RB1: variants seen among roughly 807,000 people sequenced by gnomAD.
RB1 encodes retinoblastoma-associated protein.
In RB1, 18 loss-of-function variants were observed where a neutral mutation model predicts 135.4. The observed-to-expected ratio is 0.13, with a 90% CI of 0.09 to 0.20. The LOEUF (loss-of-function observed/expected upper bound fraction) is 0.20. Among genes scored for constraint, RB1 ranks in the 10% least tolerant of loss-of-function variants. The pLI is 1.00. For missense variants in RB1, 868 were observed against 1,110.0 expected (o/e 0.78, Z 3.10); for synonymous variants, 365 against 373.2 (o/e 0.98, Z 0.25).
At chr13:48,401,739 A>G (rs1948693694) in intron 17 of RB1, among the ~76,000 whole-genome samples, 1 of 152,208 alleles carries the variant, frequency 6.6e-6, no homozygotes, top group South Asian at 2.1e-4. Flanking sequence ...TTAGAACATG[A>G]TAAGGAAACG....
intron 2 of RB1, among the ~76,000 whole-genome samples, chr13:48,332,511 C>T (rs1952346677): frequency 6.6e-6 from 1 of 152,172 alleles, no homozygotes; most frequent in African/African-American, 2.4e-5. Context: ...GTTGAGGCTG[C>T]AGTGAGCTAT....
At chr13:48,456,634 C>T (rs531093294) in intron 19 of RB1, among the ~76,000 whole-genome samples, 4 of 152,324 alleles carry the variant, frequency 2.6e-5, no homozygotes, top group South Asian at 2.1e-4. Context: ...AGGCTGCACT[C>T]GGCTCACACT....
chr13:48,334,744 TA>T (rs2138073186), intron 2 of RB1, among the ~76,000 whole-genome samples: 1 of 152,310 alleles, frequency 6.6e-6, no homozygotes, highest in Non-Finnish European at 1.5e-5. Context: ...CTTTTATAAG[TA>T]AGTGCATTGT....
rs549309704 is a variant in RB1, at chr13:48,347,731, A to G, written c.501-94A>G. 78 of 843,982 alleles carry G rather than the reference A, an allele frequency of 9.2e-5. No individual in the cohort carries two copies. The South Asian group carries it at 1.2e-3, about 13-fold the overall frequency. The allele number at this position is 843,982 out of a possible 1,614,324, so 52.3% of individuals were successfully genotyped here. On this transcript the variant is annotated intron_variant, in intron 4 of 26. Transcript: ENST00000267163. ...TATATTTTTTGTTTTTAAAATATAT[A>G]CTTCTTAAAAGAAGATAAATAAAGC...
At chr13:48,381,648 T>A (rs1228271566) in intron 17 of RB1, among the ~76,000 whole-genome samples, 2 of 152,230 alleles carry the variant, frequency 1.3e-5, no homozygotes, top group Non-Finnish European at 2.9e-5. Context: ...TACAGCACAG[T>A]GATTTATTTA....
intron 17 of RB1, among the ~76,000 whole-genome samples, chr13:48,431,581 T>C (rs1007157471): frequency 6.6e-6 from 1 of 152,212 alleles, no homozygotes; most frequent in African/African-American, 2.4e-5. Flanking sequence ...ATTGGTTTTC[T>C]AGTGTGCTTG....
chr13:48,318,666 G>T, intron 2 of RB1: 1 of 611,136 alleles, frequency 1.6e-6, no homozygotes, highest in South Asian at 1.7e-5. Context: ...CGTTTTCTTG[G>T]GCGTGGACGG....
intron 2 of RB1, among the ~76,000 whole-genome samples, chr13:48,330,074 A>C (rs933287445): frequency 1.3e-5 from 2 of 152,084 alleles, no homozygotes; most frequent in Non-Finnish European, 2.9e-5. Context: ...GTTCCTGAAC[A>C]ACCAATAGTC....
At chr13:48,350,372 T>C (rs1169605171) in intron 6 of RB1, among the ~76,000 whole-genome samples, 1 of 152,088 alleles carries the variant, frequency 6.6e-6, no homozygotes, top group African/African-American at 2.4e-5. Flanking sequence ...AACAAGGTAT[T>C]TTGGAAACTG....
rs188520545 is a variant in RB1 at position 48,398,926 on chromosome 13, G to A, written c.1695+17483G>A. ...AGGGAAAAGTAACATTTGTTGACTA[G>A]CTCCTTTGTGCAGTGCACTGTGACT... is the stretch of plus-strand genomic sequence containing the variant. On this transcript the variant is annotated intron_variant, in intron 17 of 26. Transcript: ENST00000267163. Among the ~76,000 whole-genome samples the A allele has an allele frequency of 5.3e-4, 80 of 152,206 alleles. 1 individual carries two copies. Among genetic ancestry groups the A allele is most frequent in the Admixed American group, 2.4e-3 (37 of 15,284 alleles).
intron 24 of RB1, among the ~76,000 whole-genome samples, chr13:48,476,173 A>G (rs1238537354): frequency 6.6e-6 from 1 of 152,214 alleles, no homozygotes; most frequent in African/African-American, 2.4e-5. Flanking sequence ...TGTTGAATCT[A>G]TCCGTCAAAT....
intron 17 of RB1, among the ~76,000 whole-genome samples, chr13:48,390,993 A>G (rs1207043680): frequency 6.6e-6 from 1 of 152,020 alleles, no homozygotes; most frequent in Non-Finnish European, 1.5e-5. Context: ...TAAATTCTCC[A>G]TCTTATTATT....
intron 2 of RB1, among the ~76,000 whole-genome samples, chr13:48,332,217 G>T (rs1045642105): frequency 1.3e-5 from 2 of 152,230 alleles, no homozygotes; most frequent in African/African-American, 4.8e-5. Flanking sequence ...GTTAGCAGGG[G>T]TGGGGAGCCT....
chr13:48,348,591 T>C (rs1487754698), intron 5 of RB1, among the ~76,000 whole-genome samples: 11 of 151,706 alleles, frequency 7.3e-5, no homozygotes, highest in Admixed American at 5.3e-4. Flanking sequence ...TAACATACTA[T>C]GTTTTTTATA....
Position 48,419,909 on chromosome 13 carries a change from C to A in RB1, c.1696-33084C>A, listed in dbSNP as rs7982457. On this transcript the variant is annotated intron_variant, in intron 17 of 26. Coordinates refer to ENST00000267163, the MANE Select transcript of RB1 (RefSeq NM_000321.3). Reference sequence around the variant, plus strand: ...AGGCAGTAATTAATAGCGTACCAACCAAAAAAATCCCAGGAGCAGATGGAT... The same window carrying A: ...AGGCAGTAATTAATAGCGTACCAACAAAAAAAATCCCAGGAGCAGATGGAT... 6.3e-3 allele frequency among the ~76,000 whole-genome samples: 959 copies of A among 152,088 alleles called. 12 individuals are homozygous for A. Among genetic ancestry groups the A allele is most frequent in the African/African-American group, 0.022 (912 of 41,476 alleles).
At chr13:48,370,979 AT>A (rs1205269016) in intron 11 of RB1, among the ~76,000 whole-genome samples, 1 of 152,222 alleles carries the variant, frequency 6.6e-6, no homozygotes, top group Non-Finnish European at 1.5e-5. Flanking sequence ...TACGAGTTGT[AT>A]GTCAGGATAT....
intron 6 of RB1, among the ~76,000 whole-genome samples, chr13:48,351,980 T>G (rs1952552931): frequency 6.6e-6 from 1 of 151,870 alleles, no homozygotes; most frequent in Admixed American, 6.6e-5. Context: ...GGCCTGGCCA[T>G]CTTCAATCCA....
chr13:48,307,231 A>G (rs906541415), intron 1 of RB1, 49 bp from the exon 2 acceptor site: 2 of 1,508,322 alleles, frequency 1.3e-6, no homozygotes, highest in Admixed American at 1.7e-5. Flanking sequence ...TACTGAATCA[A>G]TTTGATTTAT....
chr13:48,428,691 C>T (rs911519956), intron 17 of RB1, among the ~76,000 whole-genome samples: 2 of 152,168 alleles, frequency 1.3e-5, no homozygotes, highest in Non-Finnish European at 2.9e-5. Flanking sequence ...AGATTAAAAT[C>T]GTATGATGAC....
Sources: gnomAD v4.1 joint callset for allele counts (sites outside exome capture counted in the v4.1 genomes callset) on GRCh38, gnomAD v4.1.1 for gene constraint, MANE v1.5 for transcripts, NCBI Gene and HGNC (gene_info 2026-07-23, HGNC 2026-07-21) for gene names.